HERC2: variants seen among roughly 807,000 people sequenced by gnomAD.
HERC2 encodes HECT and RLD domain containing E3 ubiquitin protein ligase 2.
Under a neutral mutation model 537.7 loss-of-function variants are expected in HERC2, and 102 were observed. The observed-to-expected ratio is 0.19, with a 90% CI of 0.16 to 0.22. The LOEUF (loss-of-function observed/expected upper bound fraction) is 0.22. Ranked by LOEUF, HERC2 falls within the 10% of genes least tolerant of loss-of-function variation. The probability of loss-of-function intolerance (pLI) is 1.00; values close to 1 mark genes in which losing one functional copy is unlikely to be tolerated. For synonymous variants in HERC2, 2,224 were observed against 2,466.2 expected (o/e 0.90, Z 2.91); for missense variants, 4,236 against 6,198.2 (o/e 0.68, Z 10.63).
At chr15:28,231,979 C>T (rs1901908589) in intron 30 of HERC2, among the ~76,000 whole-genome samples, 2 of 152,134 alleles carry the variant, frequency 1.3e-5, no homozygotes. Flanking sequence ...CATGCCGAGG[C>T]AGCCTGTCTC....
intron 68 of HERC2, among the ~76,000 whole-genome samples, chr15:28,163,704 T>A (rs931352668): frequency 3.3e-5 from 5 of 152,156 alleles, no homozygotes; most frequent in African/African-American, 1.2e-4. Context: ...TTTGTCTAGA[T>A]CCTCTCCATA....
chr15:28,300,811 G>A (rs1482481182), intron 2 of HERC2, among the ~76,000 whole-genome samples: 4 of 78,870 alleles, frequency 5.1e-5, no homozygotes, highest in South Asian at 6.4e-4. Context: ...TAAACAGAAC[G>A]AGACTCCATC....
intron 30 of HERC2, 62 bp from the exon 31 acceptor site, chr15:28,230,562 G>T (rs995945861): frequency 2.8e-6 from 3 of 1,083,482 alleles, no homozygotes; most frequent in Admixed American, 1.9e-5. Flanking sequence ...TTTAAATTAA[G>T]AAATACTTAG....
intron 4 of HERC2, among the ~76,000 whole-genome samples, chr15:28,288,848 CAAA>C (rs374534381): frequency 1.5e-4 from 11 of 74,856 alleles, no homozygotes; most frequent in African/African-American, 3.0e-4. Flanking sequence ...AACTCCATCT[CAAA>C]AAAAAAAAAA....
At chr15:28,160,277 T>C (rs2142413653) in intron 69 of HERC2, among the ~76,000 whole-genome samples, 1 of 152,352 alleles carries the variant, frequency 6.6e-6, no homozygotes, top group Non-Finnish European at 1.5e-5. Flanking sequence ...CAGGGACATT[T>C]AAGTCTGCAG....
chr15:28,141,007 G>C (rs994353615), intron 78 of HERC2, among the ~76,000 whole-genome samples: 1 of 151,528 alleles, frequency 6.6e-6, no homozygotes, highest in Non-Finnish European at 1.5e-5. Flanking sequence ...GAAGGCCGAG[G>C]TGGGTGGATC....
chr15:28,168,094 G>A (rs1186140116), intron 67 of HERC2, among the ~76,000 whole-genome samples: 2 of 152,194 alleles, frequency 1.3e-5, no homozygotes, highest in African/African-American at 4.8e-5. Flanking sequence ...AGACTAAAAT[G>A]AGTTCACATA....
intron 69 of HERC2, among the ~76,000 whole-genome samples, 189 bp downstream of exon 69, chr15:28,162,905 C>G (rs903927063): frequency 1.3e-5 from 2 of 152,148 alleles, no homozygotes; most frequent in Non-Finnish European, 2.9e-5. Flanking sequence ...AAACAAAAAA[C>G]AGGTAAAGGA....
At chr15:28,232,486 T>G (rs544210844) in intron 30 of HERC2, among the ~76,000 whole-genome samples, 101 of 151,822 alleles carry the variant, frequency 6.7e-4, no homozygotes, top group Admixed American at 1.6e-3. Flanking sequence ...GAGGCGGAGG[T>G]TGCAGTGAGC....
At chr15:28,259,098 G>C (rs1442179570) in intron 16 of HERC2, among the ~76,000 whole-genome samples, 1 of 152,014 alleles carries the variant, frequency 6.6e-6, no homozygotes, top group African/African-American at 2.4e-5. Context: ...TTTTTTGTTT[G>C]TTTTTGTTTT....
chr15:28,251,674 C>T (rs1246953038), intron 20 of HERC2, among the ~76,000 whole-genome samples: 1 of 151,878 alleles, frequency 6.6e-6, no homozygotes. Context: ...GTGGTGTACG[C>T]CTGTGGTCCC....
At chr15:28,199,284 C>T (rs1234518539) in intron 48 of HERC2, among the ~76,000 whole-genome samples, 1 of 152,186 alleles carries the variant, frequency 6.6e-6, no homozygotes, top group African/African-American at 2.4e-5. Flanking sequence ...CCTGGATCAA[C>T]TTGTGTCATA....
chr15:28,300,201 C>T (rs1041154324), intron 2 of HERC2, among the ~76,000 whole-genome samples: 17 of 151,748 alleles, frequency 1.1e-4, no homozygotes, highest in Admixed American at 5.3e-4. Flanking sequence ...GGCAGCAGGA[C>T]CAGAAAAAGC....
chr15:28,285,613 T>C (rs1385103576), intron 4 of HERC2, among the ~76,000 whole-genome samples: 2 of 150,480 alleles, frequency 1.3e-5, no homozygotes, highest in Non-Finnish European at 3.0e-5. Context: ...ATCAATAATA[T>C]AAGTGCCCGC....
Position 28,214,814 on chromosome 15 carries a change from A to T in HERC2, c.6211-12T>A. 1 of 1,601,106 alleles carries T rather than the reference A, an allele frequency of 6.2e-7. No homozygotes were observed. The highest frequency in any genetic ancestry group is 8.5e-7 in the Non-Finnish European group (1 of 1,173,372). On this transcript the variant is annotated splice_polypyrimidine_tract_variant and intron_variant, in intron 39 of 92. Coordinates refer to ENST00000261609, the MANE Select transcript of HERC2 (RefSeq NM_004667.6). ...TGCACAGCTAAGATCTGATAAAAGAAAATTTATAACGACAAGCATTAAAAA... is the reference window on the plus strand; with the variant it reads ...TGCACAGCTAAGATCTGATAAAAGATAATTTATAACGACAAGCATTAAAAA...
At chr15:28,258,662 A>C (rs2075333748) in intron 16 of HERC2, among the ~76,000 whole-genome samples, 1 of 152,202 alleles carries the variant, frequency 6.6e-6, no homozygotes, top group South Asian at 2.1e-4. Context: ...TCAGCAATCT[A>C]AGTTTCCGCC....
intron 47 of HERC2, 80 bp downstream of exon 47, chr15:28,202,033 G>A: frequency 9.2e-7 from 1 of 1,086,518 alleles, no homozygotes; most frequent in Non-Finnish European, 1.4e-6. Context: ...TCAAGGGACA[G>A]AGAAAGCCAA....
rs1888131173 is a variant in HERC2, at chr15:28,115,506, G to A, written c.13645C>T (p.Pro4549Ser). The A allele has an allele frequency of 6.2e-7, 1 of 1,613,974 alleles. No individual in the cohort carries two copies. The highest frequency in any genetic ancestry group is 1.3e-5 in the African/African-American group (1 of 74,998). ...LLGIAIRTGS[P>S]LSLNLAEPVW... is the part of the protein sequence containing the mutation. ...GGCTCGGCAAGGTTGAGGCTCAGGG[G>A]ACTCCCGGTTCGGATGGCAATGCCC... The change falls in exon 89 of 93, where the codon CCC (proline) becomes TCC (serine). Residue 4549 changes from proline to serine, a missense_variant. This residue lies in a region of HERC2 where 313 missense variants were observed against 462.6 expected (regional missense o/e 0.68). Transcript: ENST00000261609.
chr15:28,198,237 A>C, intron 50 of HERC2, 141 bp downstream of exon 50: 4 of 909,538 alleles, frequency 4.4e-6, no homozygotes, highest in Non-Finnish European at 5.1e-6. Flanking sequence ...CTTTGGCAGA[A>C]GGCACTGACA....
Sources: allele counts gnomAD v4.1 joint callset (sites outside exome capture counted in the v4.1 genomes callset), GRCh38; gene constraint gnomAD v4.1.1; regional missense constraint gnomAD v4.1.1; transcripts MANE v1.5; gene names NCBI Gene and HGNC (gene_info 2026-07-23, HGNC 2026-07-21).